The following DPP10 variants were observed in gnomAD, a reference collection of about 807,000 sequenced individuals.
The protein encoded by DPP10 is inactive dipeptidyl peptidase 10.
Under a neutral mutation model 120.9 loss-of-function variants are expected in DPP10, and 33 were observed. The ratio of observed to expected loss-of-function variants is 0.27; its 90% CI spans 0.21 to 0.37. DPP10 has a LOEUF of 0.37. Among genes scored for constraint, DPP10 ranks in the 10% least tolerant of loss-of-function variants. The pLI is 1.00. For synonymous variants in DPP10, 337 were observed against 326.1 expected, an observed-to-expected ratio of 1.03 and a Z score of -0.36; for missense variants, 816 against 942.8, an observed-to-expected ratio of 0.87 and a Z score of 1.76.
intron 1 of DPP10, among the ~76,000 whole-genome samples, chr2:114,553,500 C>T (rs138369879): frequency 5.9e-5 from 9 of 152,252 alleles, no homozygotes; most frequent in African/African-American, 1.4e-4. Flanking sequence ...CTGGGGAGAG[C>T]GATATTTTTA....
intron 1 of DPP10, among the ~76,000 whole-genome samples, chr2:114,576,903 A>G (rs1263967027): frequency 2.0e-5 from 3 of 151,344 alleles, no homozygotes; most frequent in African/African-American, 7.3e-5. Flanking sequence ...TTGTTTTTTC[A>G]TAGAAGGATG....
At chr2:114,749,604 T>TTTATTTTATTTTTG in intron 1 of DPP10, among the ~76,000 whole-genome samples, 1 of 151,504 alleles carries the variant, frequency 6.6e-6, no homozygotes, top group African/African-American at 2.4e-5. Context: ...TTTTATTTTT[T>TTTATTTTATTTTTG]GAGACAGAGT....
chr2:115,755,711 A>G (rs191116968), intron 11 of DPP10, among the ~76,000 whole-genome samples: 19 of 152,128 alleles, frequency 1.2e-4, no homozygotes, highest in Admixed American at 9.8e-4. Context: ...AACTAAAACT[A>G]TAATTAACAT....
rs760690789 is a variant in DPP10 at position 115,815,647 on chromosome 2, T to C, written c.1896-28T>C. 9 of 1,585,546 alleles carry C rather than the reference T, an allele frequency of 5.7e-6. No homozygotes were observed. The African/African-American group carries it at 8.1e-5, about 14-fold the overall frequency. On this transcript the variant is annotated intron_variant, in intron 20 of 25. Transcript: ENST00000410059. ...TATTTGCATTTAACTCACAAAGATA[T>C]AACTATTGTTTTTCGTTTTCATTGC...
chr2:115,230,007 G>C (rs1304457921), intron 1 of DPP10, among the ~76,000 whole-genome samples: 1 of 151,638 alleles, frequency 6.6e-6, no homozygotes, highest in Non-Finnish European at 1.5e-5. Flanking sequence ...AGATTCCTTT[G>C]AGTAGTGTGG....
rs1254524652 is a variant in DPP10 at position 115,044,437 on chromosome 2, A to G, written c.61-264802A>G. On this transcript the variant is annotated intron_variant, in intron 1 of 25. Transcript: ENST00000410059. Reference sequence around the variant, plus strand: ...GTGCGGGTTTGTTACATATGTATACATGTGCCATGTTGGTGTGCTGCACCC... The same window carrying G: ...GTGCGGGTTTGTTACATATGTATACGTGTGCCATGTTGGTGTGCTGCACCC... Among the ~76,000 whole-genome samples the G allele has an allele frequency of 2.0e-5, 3 of 152,114 alleles. No homozygotes were observed. In the East Asian group the frequency reaches 5.8e-4, roughly 29 times the overall value.
At chr2:115,405,435 G>A (rs1035655004) in intron 3 of DPP10, among the ~76,000 whole-genome samples, 2 of 152,148 alleles carry the variant, frequency 1.3e-5, no homozygotes, top group Non-Finnish European at 2.9e-5. Context: ...ATGGATTGGG[G>A]TTGCATGCTG....
rs116068120 is a variant in DPP10 at position 114,883,486 on chromosome 2, T to C, written c.61-425753T>C. On this transcript the variant is annotated intron_variant, in intron 1 of 25. Coordinates refer to ENST00000410059, the MANE Select transcript of DPP10 (RefSeq NM_020868.6). ...TTATTCTCATTGAGCTAGGAATGCA[T>C]ATGAATAAACATATTGTTAACCATT... is the stretch of plus-strand genomic sequence containing the variant. Among the ~76,000 whole-genome samples, 981 of 152,296 alleles carry C rather than the reference T, an allele frequency of 6.4e-3. 7 individuals carry two copies. The highest frequency in any genetic ancestry group is 0.022 in the African/African-American group (920 of 41,558).
At chr2:115,520,858 T>C (rs1340288499) in intron 4 of DPP10, among the ~76,000 whole-genome samples, 1 of 152,228 alleles carries the variant, frequency 6.6e-6, no homozygotes, top group African/African-American at 2.4e-5. Context: ...CTAGTTATAA[T>C]GTTTCTGACA....
intron 12 of DPP10, among the ~76,000 whole-genome samples, chr2:115,763,591 A>G (rs1680360467): frequency 6.6e-6 from 1 of 152,104 alleles, no homozygotes; most frequent in Admixed American, 6.6e-5. Flanking sequence ...ACATCTCTCA[A>G]GTCAATTTAC....
At chr2:115,238,687 G>A (rs530826768) in intron 1 of DPP10, among the ~76,000 whole-genome samples, 1 of 152,236 alleles carries the variant, frequency 6.6e-6, no homozygotes, top group African/African-American at 2.4e-5. Context: ...TTATGGATGA[G>A]CAAAGATGGA....
intron 1 of DPP10, among the ~76,000 whole-genome samples, chr2:114,548,312 G>A (rs1687590874): frequency 1.3e-5 from 2 of 152,136 alleles, no homozygotes; most frequent in South Asian, 4.1e-4. Flanking sequence ...CTCAGAAATG[G>A]TGATGTCATG....
chr2:115,562,211 C>A (rs535319719), intron 5 of DPP10, among the ~76,000 whole-genome samples: 18 of 152,328 alleles, frequency 1.2e-4, no homozygotes, highest in Admixed American at 2.6e-4. Context: ...TTATAACCCA[C>A]TGACATTTGT....
At chr2:114,628,928 G>T (rs758303801) in intron 1 of DPP10, among the ~76,000 whole-genome samples, 5 of 152,114 alleles carry the variant, frequency 3.3e-5, no homozygotes, top group Non-Finnish European at 7.3e-5. Context: ...TGTGGCAAGT[G>T]TCAAATCTCA....
intron 1 of DPP10, among the ~76,000 whole-genome samples, chr2:115,067,883 A>T (rs1707046380): frequency 6.7e-6 from 1 of 148,934 alleles, no homozygotes; most frequent in South Asian, 2.1e-4. Context: ...AAAAAAAAGA[A>T]AAAAAAGAAA....
At chr2:115,433,658 T>C (rs2071216386) in intron 3 of DPP10, among the ~76,000 whole-genome samples, 2 of 152,012 alleles carry the variant, frequency 1.3e-5, no homozygotes, top group South Asian at 4.1e-4. Context: ...GGCTCACATA[T>C]GGCTGCTCTC....
chr2:115,066,308 C>T (rs1055393743), intron 1 of DPP10, among the ~76,000 whole-genome samples: 1 of 152,062 alleles, frequency 6.6e-6, no homozygotes, highest in African/African-American at 2.4e-5. Flanking sequence ...TTGTCACACA[C>T]ATGCCTGCAT....
chr2:114,665,165 G>A (rs545302378), intron 1 of DPP10, among the ~76,000 whole-genome samples: 1 of 152,188 alleles, frequency 6.6e-6, no homozygotes, highest in African/African-American at 2.4e-5. Flanking sequence ...AAGTATATTT[G>A]AATGTTGCCA....
At chr2:115,523,745 A>G (rs2077964505) in intron 4 of DPP10, among the ~76,000 whole-genome samples, 1 of 152,164 alleles carries the variant, frequency 6.6e-6, no homozygotes, top group East Asian at 1.9e-4. Flanking sequence ...AAGTAATGAG[A>G]GAGAGAATTA....
Sources: gnomAD v4.1 joint callset for allele counts (sites outside exome capture counted in the v4.1 genomes callset) on GRCh38, gnomAD v4.1.1 for gene constraint, MANE v1.5 for transcripts, NCBI Gene and HGNC (gene_info 2026-07-23, HGNC 2026-07-21) for gene names.